The following GNAO1 variants were observed in gnomAD, a reference collection of about 807,000 sequenced individuals.
GNAO1 encodes G protein subunit alpha o1.
For synonymous variants in GNAO1, 164 were observed against 180.7 expected (o/e 0.91, Z 0.74); for missense variants, 166 against 478.7 (o/e 0.35, Z 6.10).
At chr16:56,239,424 C>T (rs1463123255) in intron 2 of GNAO1, among the ~76,000 whole-genome samples, 1 of 152,216 alleles carries the variant, frequency 6.6e-6, no homozygotes, top group African/African-American at 2.4e-5. Flanking sequence ...CTGTCTGCCT[C>T]CTCAGCCTAG....
At chr16:56,215,436 C>T (rs1410987071) in intron 2 of GNAO1, among the ~76,000 whole-genome samples, 1 of 152,176 alleles carries the variant, frequency 6.6e-6, no homozygotes, top group Non-Finnish European at 1.5e-5. Context: ...GGTTTCAGCA[C>T]AATGAAGGGT....
At position 56,321,673 on chromosome 16, in the gene GNAO1, G is replaced by A. The variant is rs569204624; in HGVS notation, c.304-6958G>A. ...TTCTGGGAACTGGGGCTCTGCTGCC[G>A]TAAAACAAGAGAAAAAAGCCACAAA... On this transcript the variant is annotated intron_variant, in intron 3 of 8. Transcript: ENST00000262493. 2.4e-4 allele frequency among the ~76,000 whole-genome samples: 36 copies of A among 152,292 alleles called. 1 individual carries two copies. The South Asian group carries it at 6.9e-3, about 29-fold the overall frequency.
chr16:56,291,243 G>A (rs2037229528), intron 3 of GNAO1, among the ~76,000 whole-genome samples: 1 of 152,180 alleles, frequency 6.6e-6, no homozygotes, highest in Non-Finnish European at 1.5e-5. Context: ...TTCCGCATAT[G>A]GAGGTTCCAG....
At chr16:56,318,875 C>G (rs2037541759) in intron 3 of GNAO1, among the ~76,000 whole-genome samples, 1 of 152,142 alleles carries the variant, frequency 6.6e-6, no homozygotes, top group African/African-American at 2.4e-5. Context: ...CACATCCTCA[C>G]CCCGTTTTAT....
chr16:56,256,714 CTCTCTGTGTGTGTGTGTGTGTGTGTG>C (rs1167234633), intron 2 of GNAO1, among the ~76,000 whole-genome samples: 1 of 123,398 alleles, frequency 8.1e-6, no homozygotes, highest in Non-Finnish European at 1.7e-5. Context: ...CTCTCTCTCT[CTCTCTGTGTGTGTGTGTGTGTGTGTG>C]TGTGTGTGTG....
chr16:56,195,578 A>G lies in GNAO1; in HGVS notation c.161+2962A>G, dbSNP rs372554296. ...AAGCAGTTTCCAACTTCCTTGTGCAATACAATTGGTGACCAACCTATCAGG... is the reference window on the plus strand; with the variant it reads ...AAGCAGTTTCCAACTTCCTTGTGCAGTACAATTGGTGACCAACCTATCAGG... On this transcript the variant is annotated intron_variant, in intron 2 of 8. Transcript: ENST00000262493. Among the ~76,000 whole-genome samples, 21 of 152,348 alleles carry G rather than the reference A, an allele frequency of 1.4e-4. No individual in the cohort carries two copies. In the East Asian group the frequency reaches 3.1e-3, roughly 22 times the overall value.
chr16:56,281,206 A>G (rs1432675280), intron 3 of GNAO1, among the ~76,000 whole-genome samples: 1 of 152,190 alleles, frequency 6.6e-6, no homozygotes, highest in Non-Finnish European at 1.5e-5. Flanking sequence ...GGTCCAGAGC[A>G]GAGTCCCATT....
intron 2 of GNAO1, among the ~76,000 whole-genome samples, chr16:56,268,194 C>G (rs977889487): frequency 3.9e-5 from 6 of 152,216 alleles, no homozygotes; most frequent in Non-Finnish European, 5.9e-5. Flanking sequence ...CTAAGCAGAA[C>G]CATTTATTTG....
chr16:56,286,628 A>G (rs1273782909), intron 3 of GNAO1, among the ~76,000 whole-genome samples: 2 of 151,914 alleles, frequency 1.3e-5, no homozygotes, highest in East Asian at 1.9e-4. Flanking sequence ...CACAAGGTGC[A>G]TCTGAGCAAC....
chr16:56,213,249 C>CT (rs1215336789), intron 2 of GNAO1: 431 of 346,630 alleles, frequency 1.2e-3, no homozygotes, highest in East Asian at 2.7e-3. Context: ...TTTCTTTCTT[C>CT]TTTTTTTTTT....
chr16:56,309,590 G>A (rs1233894454), intron 3 of GNAO1, among the ~76,000 whole-genome samples: 3 of 152,330 alleles, frequency 2.0e-5, no homozygotes, highest in East Asian at 3.9e-4. Flanking sequence ...GATCACTGCC[G>A]CCTGCCTGCA....
At chr16:56,235,463 C>T (rs1184643167) in intron 2 of GNAO1, 11 of 454,086 alleles carry the variant, frequency 2.4e-5, no homozygotes, top group Non-Finnish European at 4.9e-5. Context: ...GCAGCCTGTG[C>T]CTGTCTACCA....
chr16:56,293,784 T>C (rs2037256177), intron 3 of GNAO1, among the ~76,000 whole-genome samples: 1 of 152,192 alleles, frequency 6.6e-6, no homozygotes. Flanking sequence ...TGACTGGGTT[T>C]GGGAACGTTG....
At chr16:56,330,341 C>T (rs1002266538) in intron 4 of GNAO1, among the ~76,000 whole-genome samples, 30 of 152,148 alleles carry the variant, frequency 2.0e-4, no homozygotes, top group Non-Finnish European at 4.1e-4. Flanking sequence ...GAGTCCAGGG[C>T]CTCCTCCCCG....
At chr16:56,280,127 T>A (rs576248564) in intron 3 of GNAO1, among the ~76,000 whole-genome samples, 86 of 152,338 alleles carry the variant, frequency 5.6e-4, no homozygotes, top group African/African-American at 2.0e-3. Context: ...TTCAAAGGCA[T>A]GTGAGTTGGA....
intron 2 of GNAO1, chr16:56,194,239 T>G (rs1312443749): frequency 2.2e-6 from 1 of 456,630 alleles, no homozygotes; most frequent in East Asian, 7.0e-5. Flanking sequence ...AGCTTGGGGC[T>G]TCTCTTGAGC....
At chr16:56,238,116 C>T (rs1324661916) in intron 2 of GNAO1, among the ~76,000 whole-genome samples, 2 of 150,846 alleles carry the variant, frequency 1.3e-5, no homozygotes, top group African/African-American at 4.9e-5. Context: ...CCCCCGCCCG[C>T]CCCACACACA....
At chr16:56,266,239 G>T (rs2036952281) in intron 2 of GNAO1, among the ~76,000 whole-genome samples, 1 of 152,206 alleles carries the variant, frequency 6.6e-6, no homozygotes, top group South Asian at 2.1e-4. Flanking sequence ...GTACATAGCA[G>T]TCAGTTCTGT....
chr16:56,332,453 A>G (rs1382551303), intron 4 of GNAO1, among the ~76,000 whole-genome samples: 1 of 152,060 alleles, frequency 6.6e-6, no homozygotes, highest in African/African-American at 2.4e-5. Flanking sequence ...AGCCCCCAGC[A>G]GCTCTCCCCC....
Sources: allele counts gnomAD v4.1 joint callset (sites outside exome capture counted in the v4.1 genomes callset), GRCh38; gene constraint gnomAD v4.1.1; transcripts MANE v1.5; gene names NCBI Gene and HGNC (gene_info 2026-07-23, HGNC 2026-07-21).